The following LRP4 variants were observed in gnomAD, a reference collection of about 807,000 sequenced individuals.
LRP4 encodes low-density lipoprotein receptor-related protein 4.
Under a neutral mutation model 220.3 loss-of-function variants are expected in LRP4, and 95 were observed. That is an observed-to-expected ratio of 0.43 (90% CI 0.37 to 0.51). LRP4 has a LOEUF of 0.51. LRP4 is among the 20% of genes least tolerant of loss of function. The pLI, the probability that LRP4 is intolerant of heterozygous loss-of-function variation, is 0.00. For missense variants in LRP4, 1,925 were observed against 2,567.0 expected, an observed-to-expected ratio of 0.75 and a Z score of 5.40; for synonymous variants, 903 against 954.6, an observed-to-expected ratio of 0.95 and a Z score of 1.00.
rs575804675 is a variant in LRP4 at position 46,889,569 on chromosome 11, G to C, written c.2093-36C>G. On this transcript the variant is annotated intron_variant, in intron 15 of 37. Coordinates refer to ENST00000378623, the MANE Select transcript of LRP4 (RefSeq NM_002334.4). ...AGCCCAGGGCAAGAGGATCAGCGAAGGTCTGCAAAAGTGACCCCAAGACTA... is the reference window on the plus strand; with the variant it reads ...AGCCCAGGGCAAGAGGATCAGCGAACGTCTGCAAAAGTGACCCCAAGACTA... 5 of 1,610,866 alleles carry C rather than the reference G, an allele frequency of 3.1e-6. No individual in the cohort carries two copies. The Admixed American group carries it at 6.7e-5, about 21-fold the overall frequency.
Position 46,876,562 on chromosome 11 carries a change from CG to C in LRP4, c.3439del (p.Arg1147GlyfsTer46). The C allele has an allele frequency of 6.2e-7, 1 of 1,614,198 alleles. No homozygotes were observed. Among genetic ancestry groups the C allele is most frequent in the Non-Finnish European group, 8.5e-7 (1 of 1,180,038 alleles). ...KVYWTDTGTN[R>X]IEVGNLDGSM... ...CCCGTCCAGGTTGCCCACTTCAATC[CG>C]GTTTGTTCCCGTGTCTGTCCAGTAT... is the stretch of plus-strand genomic sequence containing the variant. On this transcript the variant is annotated frameshift_variant, in exon 25 of 38. Transcript: ENST00000378623. LOFTEE classifies it high-confidence loss of function.
intron 36 of LRP4, chr11:46,862,964 T>C: frequency 1.7e-6 from 1 of 573,536 alleles, no homozygotes; most frequent in African/African-American, 1.9e-5. Context: ...GGCTACTAGA[T>C]TAGGTTACCA....
At chr11:46,911,711 T>A (rs1258091972) in intron 1 of LRP4, among the ~76,000 whole-genome samples, 2 of 151,756 alleles carry the variant, frequency 1.3e-5, no homozygotes, top group Admixed American at 6.6e-5. Flanking sequence ...GAGAGGTCAA[T>A]CCAAGATGAA....
In LRP4 at chr11:46,868,709, G is replaced by T. The variant is rs1318523805; in HGVS notation, c.4842C>A (p.Thr1614=). ...IVVSPQRQTG[T]NACGVNNGGC... is the part of the protein sequence containing the mutation. The stretch of plus-strand genomic sequence containing the variant: ...CACCATTGTTCACACCACAGGCATT[G>T]GTCCCTGGAGGCAAAGTAGATGAAT... Residue 1614 remains threonine (T), a synonymous_variant, in exon 33 of 38, where the codon ACC becomes ACA. Coordinates refer to ENST00000378623, the MANE Select transcript of LRP4 (RefSeq NM_002334.4). The T allele has an allele frequency of 6.2e-7, 1 of 1,607,374 alleles. No homozygotes were observed. The highest frequency in any genetic ancestry group is 8.5e-7 in the Non-Finnish European group (1 of 1,173,908).
chr11:46,867,183 G>C (rs989826662), intron 34 of LRP4, among the ~76,000 whole-genome samples: 1 of 151,956 alleles, frequency 6.6e-6, no homozygotes, highest in Non-Finnish European at 1.5e-5. Flanking sequence ...AGAACTGTTC[G>C]TGTTTATGCT....
chr11:46,897,094 T>C (rs1226027904), intron 7 of LRP4, 100 bp from the exon 8 acceptor site: 1 of 1,469,688 alleles, frequency 6.8e-7, no homozygotes, highest in Non-Finnish European at 9.5e-7. Flanking sequence ...CATGCCACTC[T>C]TGACACCGGG....
chr11:46,881,567 C>T (rs1941160531), intron 20 of LRP4, 135 bp downstream of exon 20: 1 of 866,148 alleles, frequency 1.2e-6, no homozygotes, highest in Non-Finnish European at 2.0e-6. Flanking sequence ...GCACATGCCC[C>T]ATGCTGGTCC....
chr11:46,880,278 C>T (rs1004105360), intron 20 of LRP4, among the ~76,000 whole-genome samples: 10 of 129,034 alleles, frequency 7.7e-5, no homozygotes, highest in African/African-American at 3.0e-4. Context: ...TCAGCATGGG[C>T]AACACACCAA....
intron 30 of LRP4, among the ~76,000 whole-genome samples, chr11:46,872,708 C>G (rs185694144): frequency 6.6e-6 from 1 of 152,104 alleles, no homozygotes; most frequent in South Asian, 2.1e-4. Context: ...TGCGCCACTG[C>G]ACTCCAGCCT....
intron 37 of LRP4, 130 bp from the exon 38 acceptor site, chr11:46,859,445 G>A: frequency 2.7e-6 from 2 of 737,504 alleles, no homozygotes; most frequent in South Asian, 1.4e-5. Flanking sequence ...AAACAAATGG[G>A]GAAATGTGAT....
At position 46,890,625 on chromosome 11, in the gene LRP4, T is replaced by G. The variant is rs1038092896; in HGVS notation, c.1698-131A>C. ...ATGTTTGGTCCACAGAATGAATTTT[T>G]TTTTTAGACGGGGTCTCATTTTGTC... On this transcript the variant is annotated intron_variant, in intron 13 of 37. Coordinates refer to ENST00000378623, the MANE Select transcript of LRP4 (RefSeq NM_002334.4). This position sits in a 1 kb window ranked among gnomAD's most constrained non-coding sequence, Gnocchi z 5.3. 9 of 689,688 alleles carry G rather than the reference T, an allele frequency of 1.3e-5. No individual in the cohort carries two copies. Among genetic ancestry groups the G allele is most frequent in the Admixed American group, 2.2e-5 (1 of 44,692 alleles). The allele number at this position is 689,688 out of a possible 1,614,324, so 42.7% of individuals were successfully genotyped here. A position where few individuals can be genotyped will look rare whatever the true frequency, so the allele number is the denominator to read the frequency against.
At chr11:46,893,155 GT>G in intron 12 of LRP4, 26 bp from the exon 13 acceptor site, 1 of 1,614,022 alleles carries the variant, frequency 6.2e-7, no homozygotes, top group Non-Finnish European at 8.5e-7. Context: ...AGCAAAAAAT[GT>G]CAAGGAGTCA....
rs368711715 is a variant in LRP4, at chr11:46,858,995, C to G, written c.5706G>C (p.Glu1902Asp). The G allele has an allele frequency of 6.2e-7, 1 of 1,614,050 alleles. No homozygotes were observed. Among genetic ancestry groups the G allele is most frequent in the East Asian group, 2.2e-5 (1 of 44,868 alleles). Residue 1902 changes from glutamate (E) to aspartate (D), a missense_variant, in exon 38 of 38, where the codon GAG becomes GAC. Physicochemically the swap from Glu to Asp is conservative, Grantham distance 45 (BLOSUM62 2). Coordinates refer to ENST00000378623, the MANE Select transcript of LRP4 (RefSeq NM_002334.4). ...GWKHERKLSS[E>D]SQV The stretch of plus-strand genomic sequence containing the variant: ...AGAATGTGGGCATTTAGACCTGGCT[C>G]TCTGAGGAGAGCTTGCGTTCATGTT...
At chr11:46,872,148 TGGGAGGCTGC>T (rs1031295698) in intron 30 of LRP4, among the ~76,000 whole-genome samples, 2 of 151,908 alleles carry the variant, frequency 1.3e-5, no homozygotes, top group African/African-American at 4.8e-5. Flanking sequence ...CCTAGCTACT[TGGGAGGCTGC>T]GGCACGAGAA....
At chr11:46,866,655 A>T (rs1278426952) in intron 34 of LRP4, among the ~76,000 whole-genome samples, 1 of 152,198 alleles carries the variant, frequency 6.6e-6, no homozygotes, top group Non-Finnish European at 1.5e-5. Context: ...GCAGTGTCTC[A>T]CATCTGTAAT....
intron 13 of LRP4, among the ~76,000 whole-genome samples, chr11:46,891,575 AG>A (rs1941426380): frequency 6.6e-6 from 1 of 152,190 alleles, no homozygotes; most frequent in African/African-American, 2.4e-5. Context: ...GCCAGAGGTG[AG>A]AACTTCATTT....
At position 46,898,557 on chromosome 11, in the gene LRP4, C is replaced by T; in HGVS notation, c.796+1G>A. 1 of 1,614,152 alleles carries T rather than the reference C, an allele frequency of 6.2e-7. No homozygotes were observed. The highest frequency in any genetic ancestry group is 8.5e-7 in the Non-Finnish European group (1 of 1,180,028). ...CAACCTAATTCCATTTCCCCACTCACTGCAGTTGCGCTCATCAGACTGGTC... is the reference window on the plus strand; with the variant it reads ...CAACCTAATTCCATTTCCCCACTCATTGCAGTTGCGCTCATCAGACTGGTC... On this transcript the variant is annotated splice_donor_variant, in intron 7 of 37. Coordinates refer to ENST00000378623, the MANE Select transcript of LRP4 (RefSeq NM_002334.4). LOFTEE classifies it high-confidence loss of function.
chr11:46,882,212 C>A (rs927101361), intron 19 of LRP4, among the ~76,000 whole-genome samples: 4 of 152,238 alleles, frequency 2.6e-5, no homozygotes, highest in Non-Finnish European at 5.9e-5. Flanking sequence ...CTTGGCCAGG[C>A]GCCATGGTTC....
At chr11:46,902,736 C>G in intron 2 of LRP4, 47 bp downstream of exon 2, 1 of 1,611,860 alleles carries the variant, frequency 6.2e-7, no homozygotes. Flanking sequence ...CCCCCCACCC[C>G]CAGGTCCCTC....
Sources: gnomAD v4.1 joint callset for allele counts (sites outside exome capture counted in the v4.1 genomes callset) on GRCh38, gnomAD v4.1.1 for gene constraint, Gnocchi (gnomAD v3.1) non-coding constraint, MANE v1.5 for transcripts, NCBI Gene and HGNC (gene_info 2026-07-23, HGNC 2026-07-21) for gene names.